The following AMPH variants were observed in gnomAD, a reference collection of about 807,000 sequenced individuals.
AMPH encodes the protein amphiphysin.
AMPH carries 49 observed loss-of-function variants against 99.1 expected under a neutral mutation model. That is an observed-to-expected ratio of 0.49 (90% CI 0.39 to 0.63). AMPH has a LOEUF of 0.63. Ranked by LOEUF, AMPH falls within the 20% of genes least tolerant of loss-of-function variation. The pLI is 0.00. For synonymous variants in AMPH, 314 were observed against 317.3 expected (o/e 0.99, Z 0.11); for missense variants, 759 against 863.4 (o/e 0.88, Z 1.52).
chr7:38,529,007 C>T (rs999889383), intron 2 of AMPH, among the ~76,000 whole-genome samples: 30 of 152,068 alleles, frequency 2.0e-4, no homozygotes, highest in African/African-American at 6.8e-4. Flanking sequence ...TCTATAATTT[C>T]CCCTATTACA....
chr7:38,422,405 A>C lies in AMPH; in HGVS notation c.1272+16T>G. ...AACTAACAACTTCCTGAGAGCACAAACCCAAATCAACTTACCAAGTTGCAG... is the reference window on the plus strand; with the variant it reads ...AACTAACAACTTCCTGAGAGCACAACCCCAAATCAACTTACCAAGTTGCAG... On this transcript the variant is annotated intron_variant, in intron 16 of 20. Coordinates refer to ENST00000356264, the MANE Select transcript of AMPH (RefSeq NM_001635.4). 6.2e-7 allele frequency: 1 copy of C among 1,609,672 alleles called. No individual in the cohort carries two copies. Among genetic ancestry groups the C allele is most frequent in the Non-Finnish European group, 8.5e-7 (1 of 1,176,514 alleles).
intron 12 of AMPH, among the ~76,000 whole-genome samples, chr7:38,435,155 T>C (rs1786212367): frequency 6.6e-6 from 1 of 152,244 alleles, no homozygotes; most frequent in African/African-American, 2.4e-5. Flanking sequence ...CCTTTTGTTT[T>C]TTGCAAAGCA....
chr7:38,427,125 G>A, intron 14 of AMPH, 139 bp from the exon 15 acceptor site: 2 of 662,414 alleles, frequency 3.0e-6, no homozygotes. Flanking sequence ...GTGCATGAAA[G>A]AACTTAGGAA....
At chr7:38,621,408 C>T (rs1048178821) in intron 1 of AMPH, among the ~76,000 whole-genome samples, 3 of 152,140 alleles carry the variant, frequency 2.0e-5, no homozygotes, top group Non-Finnish European at 2.9e-5. Flanking sequence ...TAGAAAGTGC[C>T]TTCCACATAT....
chr7:38,564,922 A>G (rs1171228197), intron 1 of AMPH, among the ~76,000 whole-genome samples: 1 of 152,178 alleles, frequency 6.6e-6, no homozygotes, highest in Non-Finnish European at 1.5e-5. Context: ...CAGGAGATCG[A>G]GACCATCCTG....
chr7:38,484,114 G>A (rs1315214357), intron 5 of AMPH, among the ~76,000 whole-genome samples: 1 of 151,980 alleles, frequency 6.6e-6, no homozygotes, highest in African/African-American at 2.4e-5. Context: ...ACAGTTTAAG[G>A]GATTTATGGG....
intron 1 of AMPH, among the ~76,000 whole-genome samples, chr7:38,593,282 G>C (rs1242365013): frequency 6.6e-6 from 1 of 152,156 alleles, no homozygotes; most frequent in African/African-American, 2.4e-5. Flanking sequence ...TATTCTTTCA[G>C]TGTAGAATCA....
chr7:38,475,412 T>C lies in AMPH; in HGVS notation c.509A>G (p.Glu170Gly). 1 of 1,610,922 alleles carries C rather than the reference T, an allele frequency of 6.2e-7. No individual in the cohort carries two copies. The highest frequency in any genetic ancestry group is 8.5e-7 in the Non-Finnish European group (1 of 1,177,836). ...TTTCTGTGCTTTCTGAAATTCTTCT[T>C]CTGCCTAGGAATGAAACATAACATG... is the stretch of plus-strand genomic sequence containing the variant. ...RKDESRISKA[E>G]EEFQKAQKVF... is the part of the protein sequence containing the mutation. The change falls in exon 7 of 21, where the codon GAA becomes GGA. Residue 170 changes from glutamate to glycine, a missense_variant. Glu to Gly is a moderately conservative substitution (Grantham distance 98). Coordinates refer to ENST00000356264, the MANE Select transcript of AMPH (RefSeq NM_001635.4).
At chr7:38,525,275 TATAGAGAGAGAGAG>T (rs753609393) in intron 2 of AMPH, among the ~76,000 whole-genome samples, 9,505 of 86,108 alleles carry the variant, frequency 0.11, 331 homozygotes, top group South Asian at 0.17. Context: ...TATATATATA[TATAGAGAGAGAGAG>T]AGAGAGAGAG....
intron 1 of AMPH, among the ~76,000 whole-genome samples, chr7:38,588,315 T>C (rs1394239564): frequency 6.6e-6 from 1 of 152,122 alleles, no homozygotes; most frequent in Non-Finnish European, 1.5e-5. Context: ...TCCCAAATAG[T>C]ATTTTTCTCC....
intron 7 of AMPH, among the ~76,000 whole-genome samples, chr7:38,467,638 A>ATATG (rs1554342016): frequency 3.4e-4 from 13 of 38,454 alleles, no homozygotes; most frequent in African/African-American, 1.4e-3. Context: ...TACAATGGAA[A>ATATG]TATGTGTGTG....
At chr7:38,584,870 G>C (rs1194446070) in intron 1 of AMPH, among the ~76,000 whole-genome samples, 1 of 152,220 alleles carries the variant, frequency 6.6e-6, no homozygotes, top group East Asian at 1.9e-4. Context: ...CTTGAATCCA[G>C]TGTGCAAGGG....
At chr7:38,577,073 C>T (rs1268818131) in intron 1 of AMPH, among the ~76,000 whole-genome samples, 1 of 152,198 alleles carries the variant, frequency 6.6e-6, no homozygotes, top group East Asian at 1.9e-4. Flanking sequence ...TACAAGTCAA[C>T]TGTACCAGTG....
At chr7:38,397,098 C>T (rs1300859547) in intron 17 of AMPH, among the ~76,000 whole-genome samples, 2 of 152,172 alleles carry the variant, frequency 1.3e-5, no homozygotes, top group South Asian at 2.1e-4. Flanking sequence ...CAGCAGACAC[C>T]ACCACTACAC....
intron 1 of AMPH, among the ~76,000 whole-genome samples, chr7:38,555,800 TG>T (rs1562824751): frequency 6.6e-6 from 1 of 152,204 alleles, no homozygotes; most frequent in African/African-American, 2.4e-5. Flanking sequence ...TCTCATAATT[TG>T]TAGTGTTTTC....
intron 1 of AMPH, among the ~76,000 whole-genome samples, chr7:38,550,106 A>C (rs1456309568): frequency 6.6e-6 from 1 of 152,236 alleles, no homozygotes; most frequent in Non-Finnish European, 1.5e-5. Flanking sequence ...TCCAAGAATA[A>C]GTTAGTCATC....
At chr7:38,560,960 G>A (rs1791533913) in intron 1 of AMPH, among the ~76,000 whole-genome samples, 1 of 152,152 alleles carries the variant, frequency 6.6e-6, no homozygotes, top group Non-Finnish European at 1.5e-5. Flanking sequence ...TCTCAAACTT[G>A]GGCTATCAGG....
chr7:38,449,108 C>T (rs1274939908), intron 11 of AMPH, among the ~76,000 whole-genome samples: 1 of 152,122 alleles, frequency 6.6e-6, no homozygotes, highest in Non-Finnish European at 1.5e-5. Flanking sequence ...AGTAAAGGCC[C>T]TCCTACCACT....
At chr7:38,629,102 G>T (rs926114640) in intron 1 of AMPH, among the ~76,000 whole-genome samples, 1 of 152,196 alleles carries the variant, frequency 6.6e-6, no homozygotes, top group Non-Finnish European at 1.5e-5. Context: ...AGAGGCCAAA[G>T]GTGTAGAAAG....
Sources: allele counts gnomAD v4.1 joint callset (sites outside exome capture counted in the v4.1 genomes callset), GRCh38; gene constraint gnomAD v4.1.1; transcripts MANE v1.5; gene names NCBI Gene and HGNC (gene_info 2026-07-23, HGNC 2026-07-21).